Variants in KANSL1L observed in about 807,000 individuals in gnomAD.
KANSL1L encodes KAT8 regulatory NSL complex subunit 1-like protein.
KANSL1L carries 25 observed loss-of-function variants against 108.6 expected under a neutral mutation model. That is an observed-to-expected ratio of 0.23 (90% CI 0.17 to 0.32). The LOEUF (loss-of-function observed/expected upper bound fraction) is 0.32, where lower values mean the gene tolerates loss of function less well. Among genes scored for constraint, KANSL1L ranks in the 10% least tolerant of loss-of-function variants. The pLI, the probability that KANSL1L is intolerant of heterozygous loss-of-function variation, is 1.00. For missense variants in KANSL1L, 1,137 were observed against 1,125.7 expected, an observed-to-expected ratio of 1.01 and a Z score of -0.14; for synonymous variants, 405 against 395.1, an observed-to-expected ratio of 1.03 and a Z score of -0.30.
chr2:210,030,857 G>A (rs2094006893), intron 9 of KANSL1L: 1 of 151,998 alleles, frequency 6.6e-6, no homozygotes, highest in African/African-American at 2.4e-5. Flanking sequence ...TTTGTAGTAT[G>A]ACATTTCTTT....
chr2:210,153,536 A>G lies in KANSL1L; in HGVS notation c.1047T>C (p.Asp349=). 6.2e-7 allele frequency: 1 copy of G among 1,614,134 alleles called. No individual in the cohort carries two copies. Among genetic ancestry groups the G allele is most frequent in the Non-Finnish European group, 8.5e-7 (1 of 1,180,010 alleles). ...LDSDATDSSS[D]DDLDEYTLRK... is the part of the protein sequence containing the mutation. Reference sequence around the variant, plus strand: ...TAAGGGTATATTCATCCAAATCGTCATCAGAGCTGCTATCAGTTGCATCGG... The same window carrying G: ...TAAGGGTATATTCATCCAAATCGTCGTCAGAGCTGCTATCAGTTGCATCGG... The change falls in exon 2 of 15, where the codon GAT becomes GAC. Residue 349 remains aspartate, a synonymous_variant. Transcript: ENST00000281772.
intron 3 of KANSL1L, among the ~76,000 whole-genome samples, chr2:210,117,373 A>C (rs1458349957): frequency 6.6e-6 from 1 of 152,182 alleles, no homozygotes; most frequent in African/African-American, 2.4e-5. Context: ...CTACAGTAAG[A>C]TGCCAATATT....
chr2:210,157,684 T>C (rs2095340882), intron 1 of KANSL1L, among the ~76,000 whole-genome samples: 1 of 105,098 alleles, frequency 9.5e-6, no homozygotes, highest in Non-Finnish European at 1.8e-5. Context: ...AGCAAAACAC[T>C]GTCACAGAAA....
chr2:210,123,990 C>G (rs1005959453), intron 3 of KANSL1L, among the ~76,000 whole-genome samples: 14 of 151,928 alleles, frequency 9.2e-5, no homozygotes, highest in African/African-American at 3.4e-4. Flanking sequence ...TAATAAGAGA[C>G]AATTAAAACA....
At chr2:210,139,311 CATCT>C (rs1373984212) in intron 2 of KANSL1L, among the ~76,000 whole-genome samples, 1 of 152,158 alleles carries the variant, frequency 6.6e-6, no homozygotes, top group Non-Finnish European at 1.5e-5. Flanking sequence ...CTTATCCATT[CATCT>C]GTCAATGGTC....
intron 2 of KANSL1L, among the ~76,000 whole-genome samples, chr2:210,151,031 T>C (rs920512736): frequency 1.3e-5 from 2 of 152,112 alleles, no homozygotes; most frequent in African/African-American, 2.4e-5. Context: ...TCTTCCTTTT[T>C]TTGATATGAG....
chr2:210,156,987 C>CAAAA (rs72148831), intron 1 of KANSL1L, among the ~76,000 whole-genome samples: 2 of 140,286 alleles, frequency 1.4e-5, no homozygotes. Context: ...ATCCTAAATG[C>CAAAA]AAAAAAAAAA....
chr2:210,146,938 G>C (rs988375041), intron 2 of KANSL1L, among the ~76,000 whole-genome samples: 2 of 151,264 alleles, frequency 1.3e-5, no homozygotes, highest in Non-Finnish European at 2.9e-5. Context: ...ATTTAACTTT[G>C]GCCTAAGCCA....
chr2:210,067,414 T>A (rs1053714266), intron 6 of KANSL1L, among the ~76,000 whole-genome samples: 1 of 152,144 alleles, frequency 6.6e-6, no homozygotes, highest in Non-Finnish European at 1.5e-5. Context: ...TAGATGTATG[T>A]TAGTCTGGGT....
At chr2:210,117,821 A>T (rs527953262) in intron 3 of KANSL1L, among the ~76,000 whole-genome samples, 1 of 152,178 alleles carries the variant, frequency 6.6e-6, no homozygotes. Flanking sequence ...TAAAATCAAT[A>T]AACAAATCTC....
intron 5 of KANSL1L, among the ~76,000 whole-genome samples, chr2:210,081,297 A>G (rs141739049): frequency 2.7e-4 from 41 of 152,132 alleles, no homozygotes; most frequent in African/African-American, 9.9e-4. Context: ...AATAATTCAC[A>G]CTTCATACTG....
At chr2:210,070,253 T>TG (rs1389501953) in intron 6 of KANSL1L, among the ~76,000 whole-genome samples, 1 of 92,968 alleles carries the variant, frequency 1.1e-5, no homozygotes, top group African/African-American at 4.4e-5. Flanking sequence ...TTTTTTGAGA[T>TG]GGAGTCTCAA....
intron 1 of KANSL1L, among the ~76,000 whole-genome samples, chr2:210,156,241 C>G: frequency 6.6e-6 from 1 of 151,896 alleles, no homozygotes; most frequent in East Asian, 1.9e-4. Context: ...AATCACCAAA[C>G]TGATAAAAAT....
rs904207612 is a variant in KANSL1L at position 210,027,331 on chromosome 2, G to T, written c.2416C>A (p.Gln806Lys). 1 of 1,612,580 alleles carries T rather than the reference G, an allele frequency of 6.2e-7. No individual in the cohort carries two copies. The change falls in exon 12 of 15, where the codon CAG (glutamine) becomes AAG (lysine). Residue 806 changes from glutamine (Q) to lysine (K), a missense_variant. By Grantham distance (53) the Gln-to-Lys change is moderately conservative (BLOSUM62 1). Coordinates refer to ENST00000281772, the MANE Select transcript of KANSL1L (RefSeq NM_152519.4). ...CCTAAATTATATTCATCCAAAGGCTGAAGAACAACCATCCTCCAGCTGTTG... is the reference window on the plus strand; with the variant it reads ...CCTAAATTATATTCATCCAAAGGCTTAAGAACAACCATCCTCCAGCTGTTG... ...LTPSWRMVVL[Q>K]PLDEYNLGKE... is the part of the protein sequence containing the mutation.
chr2:210,135,674 A>T (rs1253163463), intron 2 of KANSL1L, among the ~76,000 whole-genome samples: 1 of 152,194 alleles, frequency 6.6e-6, no homozygotes, highest in Non-Finnish European at 1.5e-5. Flanking sequence ...CAAAGCTAAA[A>T]GGTCTCTGCT....
Position 210,047,387 on chromosome 2 carries a change from G to A in KANSL1L, c.1756-3283C>T, listed in dbSNP as rs563934554. Among the ~76,000 whole-genome samples, 70 of 152,238 alleles carry A rather than the reference G, an allele frequency of 4.6e-4. No individual in the cohort carries two copies. In the South Asian group the frequency reaches 6.0e-3, roughly 13 times the overall value. ...AGCAATTTTCTAAGAGATTTTTTCAGCCAAATAACCAATTTCATTGCTTGC... is the reference window on the plus strand; with the variant it reads ...AGCAATTTTCTAAGAGATTTTTTCAACCAAATAACCAATTTCATTGCTTGC... On this transcript the variant is annotated intron_variant, in intron 6 of 14. Coordinates refer to ENST00000281772, the MANE Select transcript of KANSL1L (RefSeq NM_152519.4).
At chr2:210,170,742 G>C (rs1688284773) in intron 1 of KANSL1L, 1 of 152,284 alleles carries the variant, frequency 6.6e-6, no homozygotes, top group African/African-American at 2.4e-5. Context: ...ACCCCCAATG[G>C]GTGAGGCTCA....
chr2:210,032,337 A>G (rs545250034), intron 8 of KANSL1L: 2 of 152,356 alleles, frequency 1.3e-5, no homozygotes, highest in Non-Finnish European at 1.5e-5. Flanking sequence ...ACAGATAGGC[A>G]CATATAAATC....
At chr2:210,130,767 G>A (rs574379207) in intron 2 of KANSL1L, among the ~76,000 whole-genome samples, 2 of 152,014 alleles carry the variant, frequency 1.3e-5, no homozygotes, top group South Asian at 2.1e-4. Flanking sequence ...GCATGCTAGC[G>A]CGTAGCATTT....
Sources: allele counts gnomAD v4.1 joint callset (sites outside exome capture counted in the v4.1 genomes callset), GRCh38; gene constraint gnomAD v4.1.1; transcripts MANE v1.5; gene names NCBI Gene and HGNC (gene_info 2026-07-23, HGNC 2026-07-21).